DMD: variants seen among roughly 807,000 people sequenced by gnomAD.
The protein encoded by DMD is dystrophin, also known as mutant dystrophin.
DMD carries 63 observed loss-of-function variants against 330.1 expected under a neutral mutation model. The observed-to-expected ratio is 0.19, with a 90% confidence interval of 0.16 to 0.24. The LOEUF is 0.24. Among genes scored for constraint, DMD ranks in the 10% least tolerant of loss-of-function variants. The pLI is 1.00. For synonymous variants in DMD, 1,223 were observed against 959.8 expected (o/e 1.27, Z -5.07); for missense variants, 3,344 against 2,684.1 (o/e 1.25, Z -5.43).
chrX:31,786,834 A>C (rs2091325814), intron 50 of DMD, among the ~76,000 whole-genome samples: 1 of 111,740 alleles, frequency 8.9e-6, no homozygotes, highest in African/African-American at 3.3e-5. Flanking sequence ...CATGGGCTGA[A>C]GCCTCAGTAG....
chrX:32,770,100 C>A (rs1029113568), intron 7 of DMD, among the ~76,000 whole-genome samples: 2 of 111,732 alleles, frequency 1.8e-5, no homozygotes, highest in African/African-American at 6.5e-5. Context: ...AGAATGGGTA[C>A]AGAACACATG....
intron 13 of DMD, among the ~76,000 whole-genome samples, chrX:32,584,938 G>A (rs1218779529): frequency 9.1e-6 from 1 of 110,497 alleles, no homozygotes; most frequent in Non-Finnish European, 1.9e-5. Flanking sequence ...CATAAAGTTT[G>A]CATTTTTTTT....
intron 74 of DMD, among the ~76,000 whole-genome samples, chrX:31,165,736 C>A (rs1205612691): frequency 8.9e-6 from 1 of 112,041 alleles, no homozygotes; most frequent in Non-Finnish European, 1.9e-5. Flanking sequence ...AAAGATGTAT[C>A]TGAATTATAT....
At chrX:33,106,485 A>G (rs2095288851) in intron 1 of DMD, among the ~76,000 whole-genome samples, 2 of 112,421 alleles carry the variant, frequency 1.8e-5, no homozygotes, top group African/African-American at 6.5e-5. Context: ...TTGTAGTCTT[A>G]TATTCTTATT....
intron 9 of DMD, among the ~76,000 whole-genome samples, chrX:32,694,780 C>G (rs949382247): frequency 9.0e-6 from 1 of 111,306 alleles, no homozygotes; most frequent in Non-Finnish European, 1.9e-5. Flanking sequence ...CCTCAGCCTC[C>G]CGAGTAGCTG....
At chrX:31,741,848 A>G (rs992765964) in intron 51 of DMD, among the ~76,000 whole-genome samples, 25 of 111,744 alleles carry the variant, frequency 2.2e-4, no homozygotes, top group Non-Finnish European at 3.2e-4. Flanking sequence ...CCTAGATGGC[A>G]TCCTTTTCCA....
chrX:32,844,406 CAAA>C (rs113585554), intron 4 of DMD, among the ~76,000 whole-genome samples: 1,539 of 73,953 alleles, frequency 0.021, 47 homozygotes, highest in African/African-American at 0.064. Context: ...GACTCCATCT[CAAA>C]AAAAAAAAAA....
intron 60 of DMD, among the ~76,000 whole-genome samples, chrX:31,422,044 T>TATATATA (rs56161808): frequency 2.2e-4 from 17 of 76,087 alleles, no homozygotes; most frequent in South Asian, 5.8e-4. Flanking sequence ...TATATATATA[T>TATATATA]TTTTTTTTTT....
Position 32,400,037 on chromosome X carries a change from G to C in DMD, c.4234-9856C>G, listed in dbSNP as rs564794584. The stretch of plus-strand genomic sequence containing the variant: ...GAGAGGGCATCCCTGTCTTGTGCCA[G>C]TTTTCAAAGGGAATGCTTCCGGTTT... On this transcript the variant is annotated intron_variant, in intron 30 of 78. Coordinates refer to ENST00000357033, the MANE Select transcript of DMD (RefSeq NM_004006.3). 4.6e-4 allele frequency among the ~76,000 whole-genome samples: 51 copies of C among 111,413 alleles called. 2 individuals are homozygous for C. The South Asian group carries it at 0.019, about 41-fold the overall frequency.
chrX:31,960,378 T>C (rs5972464), intron 45 of DMD, among the ~76,000 whole-genome samples: 3 of 110,001 alleles, frequency 2.7e-5, no homozygotes, highest in Admixed American at 1.9e-4. Context: ...GCAGTTTATA[T>C]GTAGAAAATG....
At chrX:31,615,332 T>C (rs1603426479) in intron 55 of DMD, among the ~76,000 whole-genome samples, 1 of 111,810 alleles carries the variant, frequency 8.9e-6, no homozygotes, top group African/African-American at 3.2e-5. Context: ...CACTGCCCCA[T>C]GGTATGCATT....
chrX:31,620,467 T>G (rs1228656629), intron 55 of DMD, among the ~76,000 whole-genome samples: 1 of 104,495 alleles, frequency 9.6e-6, no homozygotes, highest in Non-Finnish European at 2.0e-5. Flanking sequence ...CAGGCTGGAG[T>G]GCAATGGCAC....
At chrX:32,429,965 CATACTT>C (rs1300884601) in intron 29 of DMD, among the ~76,000 whole-genome samples, 2 of 111,408 alleles carry the variant, frequency 1.8e-5, no homozygotes, top group East Asian at 5.6e-4. Flanking sequence ...TCTAATTCTT[CATACTT>C]ATTTTAGACA....
chrX:31,175,811 ACATT>A (rs1285950503), intron 71 of DMD, among the ~76,000 whole-genome samples: 1 of 111,472 alleles, frequency 9.0e-6, no homozygotes, highest in East Asian at 2.8e-4. Flanking sequence ...TTAAAAGCTG[ACATT>A]CATTTAGGTT....
Position 32,695,494 on chromosome X carries a change from G to A in DMD, c.960+2376C>T, listed in dbSNP as rs2063581201. On this transcript the variant is annotated intron_variant, in intron 9 of 78. Coordinates refer to ENST00000357033, the MANE Select transcript of DMD (RefSeq NM_004006.3). The stretch of plus-strand genomic sequence containing the variant: ...CGAGGCAGTTTAGGAGAGTAGCCTT[G>A]TTATATGGACAAAATTAAGCGAAAA... Among the ~76,000 whole-genome samples the A allele has an allele frequency of 2.7e-5, 3 of 111,289 alleles. No individual in the cohort carries two copies. The South Asian group carries it at 1.1e-3, about 42-fold the overall frequency.
chrX:32,885,837 A>AC (rs1569539064), intron 2 of DMD, among the ~76,000 whole-genome samples: 1 of 108,026 alleles, frequency 9.3e-6, no homozygotes, highest in Non-Finnish European at 1.9e-5. Context: ...GAAAAAAAAA[A>AC]AAAAAAAAAA....
At chrX:32,240,087 T>C (rs1488720267) in intron 43 of DMD, among the ~76,000 whole-genome samples, 1 of 111,892 alleles carries the variant, frequency 8.9e-6, no homozygotes, top group Non-Finnish European at 1.9e-5. Flanking sequence ...TCCTTGATTG[T>C]CTCTTAAAAC....
rs58903799 is a variant in DMD, at chrX:31,822,653, G to GGGTGTGTGTGTGTGTGTGTGTGT, written c.7201-2571_7201-2570insACACACACACACACACACACACC. ...TTGGCCATACAGAAAAAGGCAGAGG[G>GGGTGTGTGTGTGTGTGTGTGTGT]GTGTGTGTGTGTGTGTGTGTGTGTG... On this transcript the variant is annotated intron_variant, in intron 49 of 78. Coordinates refer to ENST00000357033, the MANE Select transcript of DMD (RefSeq NM_004006.3). 2.5e-3 allele frequency among the ~76,000 whole-genome samples: 167 copies of GGGTGTGTGTGTGTGTGTGTGTGT among 65,804 alleles called. 3 individuals carry two copies. Among genetic ancestry groups the GGGTGTGTGTGTGTGTGTGTGTGT allele is most frequent in the African/African-American group, 5.8e-3 (91 of 15,646 alleles). The allele number at this position is 65,804 out of a possible 115,157, so 57.1% of individuals were successfully genotyped here.
chrX:32,387,717 T>A (rs1304234454), intron 32 of DMD, among the ~76,000 whole-genome samples: 1 of 111,379 alleles, frequency 9.0e-6, no homozygotes, highest in Non-Finnish European at 1.9e-5. Flanking sequence ...TACTTTTTTC[T>A]TAGAAGATAT....
Sources: allele counts gnomAD v4.1 joint callset (sites outside exome capture counted in the v4.1 genomes callset), GRCh38; gene constraint gnomAD v4.1.1; transcripts MANE v1.5; gene names NCBI Gene and HGNC (gene_info 2026-07-23, HGNC 2026-07-21).